C8B: variants seen among roughly 807,000 people sequenced by gnomAD.
The protein encoded by C8B is complement component C8 beta chain.
In C8B, 67 loss-of-function variants were observed where a neutral mutation model predicts 64.6. That is an observed-to-expected ratio of 1.04 (90% CI 0.85 to 1.27). The LOEUF is 1.27. C8B is among the 50% of genes most tolerant of loss of function. The pLI, the probability that C8B is intolerant of heterozygous loss-of-function variation, is 0.00. For missense variants in C8B, 790 were observed against 725.2 expected, an observed-to-expected ratio of 1.09 and a Z score of -1.03; for synonymous variants, 284 against 257.7, an observed-to-expected ratio of 1.10 and a Z score of -0.98.
chr1:56,961,919 G>T (rs1645185780), intron 1 of C8B, among the ~76,000 whole-genome samples: 1 of 152,124 alleles, frequency 6.6e-6, no homozygotes, highest in African/African-American at 2.4e-5. Context: ...CACCAGTGGG[G>T]GGCTTCAGAG....
At chr1:56,941,610 C>T (rs1204452835) in intron 8 of C8B, among the ~76,000 whole-genome samples, 1 of 152,234 alleles carries the variant, frequency 6.6e-6, no homozygotes, top group South Asian at 2.1e-4. Context: ...GATAGACAGG[C>T]TATGATATTT....
At chr1:56,948,012 C>T (rs548740197) in intron 6 of C8B, among the ~76,000 whole-genome samples, 63 of 152,276 alleles carry the variant, frequency 4.1e-4, no homozygotes, top group African/African-American at 1.5e-3. Flanking sequence ...GCTCCTACTA[C>T]ACTGCACTGT....
intron 9 of C8B, among the ~76,000 whole-genome samples, chr1:56,937,985 T>C (rs552139446): frequency 1.1e-4 from 17 of 152,374 alleles, no homozygotes; most frequent in Non-Finnish European, 2.1e-4. Flanking sequence ...GATATATTTG[T>C]TCCTAAAAGT....
intron 7 of C8B, 46 bp downstream of exon 7, chr1:56,945,773 ACT>A (rs1644931178): frequency 2.5e-6 from 4 of 1,612,224 alleles, no homozygotes; most frequent in Non-Finnish European, 2.5e-6. Flanking sequence ...TCAACTTATG[ACT>A]CTTCCCCCAG....
In C8B at chr1:56,949,691, T is replaced by C. The variant is rs760757603; in HGVS notation, c.728A>G (p.Asn243Ser). ...CTTGCTTGCCATTTTCTCTGTGACA[T>C]TGCGTTCAAAATCTGAGTATGATTC... ...EYESYSDFER[N>S]VTEKMASKSG... Residue 243 changes from asparagine (N) to serine (S), a missense_variant, in exon 6 of 12, where the codon AAT becomes AGT. Coordinates refer to ENST00000371237, the MANE Select transcript of C8B (RefSeq NM_000066.4). 6 of 1,613,938 alleles carry C rather than the reference T, an allele frequency of 3.7e-6. No homozygotes were observed. The African/African-American group carries it at 6.7e-5, about 18-fold the overall frequency.
intron 9 of C8B, among the ~76,000 whole-genome samples, chr1:56,937,162 A>G (rs1002312367): frequency 6.6e-6 from 1 of 152,304 alleles, no homozygotes; most frequent in South Asian, 2.1e-4. Context: ...CAGGTTTGCA[A>G]TGTGACTTGT....
Position 56,942,668 on chromosome 1 carries a change from C to T in C8B, c.1234+1028G>A, listed in dbSNP as rs368213402. ...GCAGTGAGCTGAGGTCATACCACTG[C>T]ACTCCAGCCTGGGTGACAGAGTGAG... On this transcript the variant is annotated intron_variant, in intron 8 of 11. Coordinates refer to ENST00000371237, the MANE Select transcript of C8B (RefSeq NM_000066.4). Among the ~76,000 whole-genome samples, 39 of 152,186 alleles carry T rather than the reference C, an allele frequency of 2.6e-4. No homozygotes were observed. The East Asian group carries it at 7.4e-3, about 29-fold the overall frequency.
chr1:56,952,016 GCTC>G, intron 5 of C8B, 29 bp downstream of exon 5: 1 of 1,612,760 alleles, frequency 6.2e-7, no homozygotes, highest in Non-Finnish European at 8.5e-7. Context: ...CTCAGCTGGG[GCTC>G]CCTCCACTGC....
chr1:56,938,789 C>T (rs1215969710), intron 9 of C8B, among the ~76,000 whole-genome samples: 2 of 152,160 alleles, frequency 1.3e-5, no homozygotes, highest in African/African-American at 4.8e-5. Context: ...CTGGGCTCTG[C>T]TGTCTTGAAA....
chr1:56,937,766 GA>G (rs1644795934), intron 9 of C8B, among the ~76,000 whole-genome samples: 3 of 151,748 alleles, frequency 2.0e-5, no homozygotes, highest in Admixed American at 2.0e-4. Flanking sequence ...AAATTTAATT[GA>G]ACTTCCTGTG....
intron 11 of C8B, 56 bp from the exon 12 acceptor site, chr1:56,929,614 T>TA (rs1644667176): frequency 6.4e-7 from 1 of 1,572,638 alleles, no homozygotes; most frequent in African/African-American, 1.4e-5. Flanking sequence ...TCTGGTGCCT[T>TA]ACTGGGGTTG....
chr1:56,965,080 G>T (rs934843410), intron 1 of C8B, among the ~76,000 whole-genome samples: 7 of 152,212 alleles, frequency 4.6e-5, no homozygotes, highest in African/African-American at 9.7e-5. Context: ...AAAGTGAAAG[G>T]TTTGTTCAGA....
intron 10 of C8B, among the ~76,000 whole-genome samples, 156 bp downstream of exon 10, chr1:56,933,179 T>C (rs1028738172): frequency 2.6e-5 from 4 of 152,284 alleles, no homozygotes; most frequent in Non-Finnish European, 5.9e-5. Context: ...ACGGTAACCC[T>C]TGGGGCTAGA....
Position 56,933,470 on chromosome 1 carries a change from G to A in C8B, c.1417C>T (p.Leu473=), listed in dbSNP as rs1040882822. 6.2e-7 allele frequency: 1 copy of A among 1,613,760 alleles called. No individual in the cohort carries two copies. The highest frequency in any genetic ancestry group is 2.2e-5 in the East Asian group (1 of 44,870). Residue 473 remains leucine (L), a synonymous_variant, in exon 10 of 12, where the codon CTA becomes TTA. Coordinates refer to ENST00000371237, the MANE Select transcript of C8B (RefSeq NM_000066.4). The part of the protein sequence containing the change: ...IKVKVEPLYE[L]VTATDFAYSS... ...TAGGCAAAATCTGTGGCTGTCACTA[G>A]TTCATACAGAGGCTCCACCTGGAAA...
rs1645078148 is a variant in C8B at position 56,954,781 on chromosome 1, A to C, written c.438T>G (p.Cys146Trp). 1 of 1,613,980 alleles carries C rather than the reference A, an allele frequency of 6.2e-7. No individual in the cohort carries two copies. The highest frequency in any genetic ancestry group is 2.2e-5 in the East Asian group (1 of 44,884). The change falls in exon 4 of 12, where the codon TGT becomes TGG. Residue 146 changes from cysteine to tryptophan, a missense_variant. Physicochemically the swap from Cys to Trp is radical, Grantham distance 215. Transcript: ENST00000371237. ...RRLLCNGDND[C>W]GDQSDEANCR... is the part of the protein sequence containing the mutation. ...AGTTTGCTTCATCTGACTGGTCTCC[A>C]CAGTCATTGTCCCCATTGCAAAGAA...
chr1:56,935,533 C>T (rs1391170825), intron 9 of C8B, among the ~76,000 whole-genome samples: 1 of 152,156 alleles, frequency 6.6e-6, no homozygotes, highest in Non-Finnish European at 1.5e-5. Flanking sequence ...TGGTGAGCAC[C>T]GACTAAACTC....
At chr1:56,952,400 T>C (rs1277548560) in intron 4 of C8B, among the ~76,000 whole-genome samples, 2 of 152,248 alleles carry the variant, frequency 1.3e-5, no homozygotes, top group Middle Eastern at 3.4e-3. Flanking sequence ...CTTGCTCCAG[T>C]CTACTCAGCT....
chr1:56,954,637 AT>A, intron 4 of C8B, 48 bp downstream of exon 4: 1 of 1,612,018 alleles, frequency 6.2e-7, no homozygotes, highest in African/African-American at 1.3e-5. Context: ...CCAGAATTCC[AT>A]TTAATGCTGT....
chr1:56,952,023 C>A (rs754973238), intron 5 of C8B, 25 bp downstream of exon 5: 1 of 1,613,116 alleles, frequency 6.2e-7, no homozygotes, highest in African/African-American at 1.3e-5. Context: ...GGGGCTCCCT[C>A]CACTGCTACC....
Sources: gnomAD v4.1 joint callset for allele counts (sites outside exome capture counted in the v4.1 genomes callset) on GRCh38, gnomAD v4.1.1 for gene constraint, MANE v1.5 for transcripts, NCBI Gene and HGNC (gene_info 2026-07-23, HGNC 2026-07-21) for gene names.